The following BNC2 variants were observed in gnomAD, a reference collection of about 807,000 sequenced individuals.
BNC2 encodes zinc finger protein basonuclin-2.
In BNC2, 20 loss-of-function variants were observed where a neutral mutation model predicts 76.3. That is an observed-to-expected ratio of 0.26 (90% CI 0.18 to 0.38). BNC2 has a LOEUF of 0.38. Ranked by LOEUF, BNC2 falls within the 10% of genes least tolerant of loss-of-function variation. The pLI is 1.00. For synonymous variants in BNC2, 582 were observed against 514.8 expected (o/e 1.13, Z -1.77); for missense variants, 1,382 against 1,399.8 (o/e 0.99, Z 0.20).
chr9:16,738,846 C>T (rs1357670633), intron 1 of BNC2, among the ~76,000 whole-genome samples: 2 of 149,784 alleles, frequency 1.3e-5, no homozygotes, highest in African/African-American at 4.9e-5. Flanking sequence ...CCCCGCCCCG[C>T]TCCCTTGCCA....
intron 1 of BNC2, among the ~76,000 whole-genome samples, chr9:16,793,159 A>G (rs1265039946): frequency 2.0e-5 from 3 of 152,226 alleles, no homozygotes; most frequent in Admixed American, 2.0e-4. Flanking sequence ...CAATTGCCCA[A>G]AGGAATACTG....
intron 1 of BNC2, among the ~76,000 whole-genome samples, chr9:16,806,451 G>T (rs1817915018): frequency 6.6e-6 from 1 of 152,172 alleles, no homozygotes; most frequent in African/African-American, 2.4e-5. Flanking sequence ...GGTTCACTTG[G>T]AACATAATGA....
chr9:16,518,442 T>A (rs769930682), intron 5 of BNC2, among the ~76,000 whole-genome samples: 2 of 151,900 alleles, frequency 1.3e-5, no homozygotes, highest in Non-Finnish European at 2.9e-5. Context: ...ATAATAATAA[T>A]AAAATAAAAA....
At chr9:16,457,893 T>G (rs749270633) in intron 5 of BNC2, among the ~76,000 whole-genome samples, 16 of 152,144 alleles carry the variant, frequency 1.1e-4, no homozygotes, top group Non-Finnish European at 1.9e-4. Context: ...TTGTTTCAGA[T>G]GCACTAGTGT....
intron 3 of BNC2, among the ~76,000 whole-genome samples, chr9:16,698,415 G>A (rs1004505682): frequency 1.3e-5 from 2 of 152,188 alleles, no homozygotes; most frequent in African/African-American, 4.8e-5. Context: ...TGAGGGCCGG[G>A]CGCGGTGGCT....
chr9:16,843,996 T>G (rs1428347565), intron 1 of BNC2, among the ~76,000 whole-genome samples: 1 of 152,170 alleles, frequency 6.6e-6, no homozygotes, highest in Non-Finnish European at 1.5e-5. Context: ...TTTAAAAATC[T>G]TTTGGCCAGA....
chr9:16,482,094 A>T (rs1822069008), intron 5 of BNC2, among the ~76,000 whole-genome samples: 1 of 152,226 alleles, frequency 6.6e-6, no homozygotes, highest in African/African-American at 2.4e-5. Context: ...GTTGTCAGTA[A>T]TAAAAATATT....
At chr9:16,813,936 G>A (rs905241975) in intron 1 of BNC2, among the ~76,000 whole-genome samples, 22 of 152,152 alleles carry the variant, frequency 1.4e-4, no homozygotes, top group African/African-American at 4.6e-4. Flanking sequence ...TGTCACAATC[G>A]AGACTGTTAA....
intron 1 of BNC2, among the ~76,000 whole-genome samples, chr9:16,813,012 C>A (rs1479977387): frequency 6.6e-6 from 1 of 151,958 alleles, no homozygotes; most frequent in Non-Finnish European, 1.5e-5. Context: ...AGTTGGAGAC[C>A]AGCCTGGCCA....
intron 3 of BNC2, among the ~76,000 whole-genome samples, chr9:16,630,937 C>T (rs542167421): frequency 1.4e-4 from 22 of 152,142 alleles, no homozygotes; most frequent in African/African-American, 5.3e-4. Flanking sequence ...CGGGGTTTCT[C>T]CACGTTGGTC....
At chr9:16,712,987 C>CA (rs1291838023) in intron 3 of BNC2, among the ~76,000 whole-genome samples, 1 of 152,202 alleles carries the variant, frequency 6.6e-6, no homozygotes, top group East Asian at 1.9e-4. Flanking sequence ...GTAGGCGTTT[C>CA]ACATTCAGGA....
At chr9:16,489,887 G>A (rs1822239049) in intron 5 of BNC2, among the ~76,000 whole-genome samples, 1 of 152,192 alleles carries the variant, frequency 6.6e-6, no homozygotes, top group African/African-American at 2.4e-5. Flanking sequence ...AGTAGAACAA[G>A]AGCCCTCGTG....
intron 3 of BNC2, among the ~76,000 whole-genome samples, chr9:16,602,119 G>A (rs1286438178): frequency 1.3e-5 from 2 of 152,132 alleles, no homozygotes; most frequent in African/African-American, 4.8e-5. Context: ...TGACCCTTAT[G>A]AATACAAAGC....
In BNC2 at chr9:16,418,979, C is replaced by T; in HGVS notation, c.*10G>A. ...GGTGAGAGCTGGCATTTGTAGTGTC[C>T]ATTCTGAGACTAATCTACTGAAGTG... On this transcript the variant is annotated 3_prime_UTR_variant, in exon 7 of 7. Transcript: ENST00000380672. The T allele has an allele frequency of 6.2e-7, 1 of 1,613,866 alleles. No individual in the cohort carries two copies. The highest frequency in any genetic ancestry group is 8.5e-7 in the Non-Finnish European group (1 of 1,179,974).
chr9:16,764,752 TAAG>T lies in BNC2; in HGVS notation c.4-26270_4-26268del, dbSNP rs1586865206. On this transcript the variant is annotated intron_variant, in intron 1 of 6. Transcript: ENST00000380672. ...ACTTATTTGTCTGTTTTTTTTTTAA[TAAG>T]AAGCAATTATCTTTCTACTTTAAAA... Among the ~76,000 whole-genome samples the T allele has an allele frequency of 6.3e-5, 9 of 142,758 alleles. No homozygotes were observed. The East Asian group carries it at 1.9e-3, about 30-fold the overall frequency. 93.7% of individuals were successfully genotyped at this position (142,758 alleles called of 152,430 possible). A position where few individuals can be genotyped will look rare whatever the true frequency, so the allele number is the denominator to read the frequency against.
intron 3 of BNC2, among the ~76,000 whole-genome samples, chr9:16,621,203 A>G (rs1158852886): frequency 3.3e-5 from 5 of 152,162 alleles, no homozygotes; most frequent in Admixed American, 6.5e-5. Flanking sequence ...AGACAGAGGG[A>G]AGACTTTGCC....
At chr9:16,831,159 T>C (rs1055049075) in intron 1 of BNC2, among the ~76,000 whole-genome samples, 1 of 152,238 alleles carries the variant, frequency 6.6e-6, no homozygotes, top group Admixed American at 6.5e-5. Flanking sequence ...TTTGCAATTA[T>C]TTGCAGAGCC....
intron 3 of BNC2, among the ~76,000 whole-genome samples, chr9:16,638,760 T>C (rs1301551818): frequency 6.6e-6 from 1 of 152,088 alleles, no homozygotes; most frequent in Non-Finnish European, 1.5e-5. Context: ...AGTACGATAA[T>C]ACTATTTTTA....
intron 1 of BNC2, among the ~76,000 whole-genome samples, chr9:16,741,957 C>CAAAAAAAAAAAAAAAAAAAAAAAAAAA (rs35573018): frequency 2.5e-5 from 2 of 79,402 alleles, no homozygotes; most frequent in African/African-American, 5.2e-5. Flanking sequence ...GGCTCCATCT[C>CAAAAAAAAAAAAAAAAAAAAAAAAAAA]AAAAAAAAAA....
Sources: gnomAD v4.1 joint callset for allele counts (sites outside exome capture counted in the v4.1 genomes callset) on GRCh38, gnomAD v4.1.1 for gene constraint, MANE v1.5 for transcripts, NCBI Gene and HGNC (gene_info 2026-07-23, HGNC 2026-07-21) for gene names.